The following CR1L variants were observed in gnomAD, a reference collection of about 807,000 sequenced individuals.
The protein encoded by CR1L is complement C3b/C4b receptor 1 like.
CR1L carries 59 observed loss-of-function variants against 62.3 expected under a neutral mutation model. The observed-to-expected ratio is 0.95, with a 90% CI of 0.77 to 1.18. The LOEUF (loss-of-function observed/expected upper bound fraction) is 1.18. Among genes scored for constraint, CR1L ranks in the 50% most tolerant of loss-of-function variants. CR1L has a pLI of 0.00. For missense variants in CR1L, 700 were observed against 702.8 expected (o/e 1.00, Z 0.04); for synonymous variants, 279 against 248.7 (o/e 1.12, Z -1.15).
chr1:207,699,744 T>C (rs968986277), intron 8 of CR1L, among the ~76,000 whole-genome samples: 25 of 152,232 alleles, frequency 1.6e-4, no homozygotes, highest in African/African-American at 5.5e-4. Context: ...ATTTAATCAA[T>C]TATTTATTGA....
intron 4 of CR1L, among the ~76,000 whole-genome samples, chr1:207,685,658 A>G (rs1035000899): frequency 6.6e-6 from 1 of 152,200 alleles, no homozygotes; most frequent in Non-Finnish European, 1.5e-5. Flanking sequence ...ACCCAGTTCA[A>G]TGGCAACAGT....
At chr1:207,706,496 G>A (rs1266828600) in intron 9 of CR1L, among the ~76,000 whole-genome samples, 1 of 151,984 alleles carries the variant, frequency 6.6e-6, no homozygotes, top group Non-Finnish European at 1.5e-5. Flanking sequence ...TTCCAGAAGG[G>A]TAAGCAAATA....
intron 11 of CR1L, among the ~76,000 whole-genome samples, chr1:207,719,442 G>A (rs1654082712): frequency 6.6e-6 from 1 of 152,012 alleles, no homozygotes; most frequent in African/African-American, 2.4e-5. Context: ...TAGATAGGCT[G>A]GACATGGTGG....
chr1:207,663,996 C>G (rs1269390287), intron 1 of CR1L, among the ~76,000 whole-genome samples: 5 of 152,140 alleles, frequency 3.3e-5, no homozygotes, highest in African/African-American at 9.7e-5. Context: ...TTTCTCTTTA[C>G]TGGGCAGTTT....
intron 1 of CR1L, among the ~76,000 whole-genome samples, chr1:207,646,415 A>T (rs1264719904): frequency 6.6e-6 from 1 of 152,134 alleles, no homozygotes; most frequent in East Asian, 1.9e-4. Context: ...CAATATTTTT[A>T]AAAATGCATG....
chr1:207,691,353 AC>A (rs1663994542), intron 4 of CR1L, among the ~76,000 whole-genome samples: 1 of 151,836 alleles, frequency 6.6e-6, no homozygotes, highest in Non-Finnish European at 1.5e-5. Flanking sequence ...CAAATCTTTT[AC>A]TTTCAGCCCT....
intron 1 of CR1L, among the ~76,000 whole-genome samples, chr1:207,654,219 A>G (rs917197193): frequency 1.1e-4 from 16 of 152,088 alleles, no homozygotes; most frequent in African/African-American, 3.9e-4. Context: ...ATAATACACT[A>G]TAATATATAA....
At chr1:207,707,331 A>G (rs1664282403) in intron 9 of CR1L, among the ~76,000 whole-genome samples, 1 of 152,198 alleles carries the variant, frequency 6.6e-6, no homozygotes, top group Admixed American at 6.5e-5. Flanking sequence ...AAAGGTAGTG[A>G]AAGAATTATG....
chr1:207,674,145 T>C (rs914702012), intron 1 of CR1L, among the ~76,000 whole-genome samples: 1 of 152,164 alleles, frequency 6.6e-6, no homozygotes, highest in Non-Finnish European at 1.5e-5. Flanking sequence ...GTCAAATCAA[T>C]CTGTAGTAAG....
chr1:207,663,131 C>G (rs569374497), intron 1 of CR1L, among the ~76,000 whole-genome samples: 1 of 152,226 alleles, frequency 6.6e-6, no homozygotes, highest in Non-Finnish European at 1.5e-5. Context: ...GTTCTCAGAT[C>G]TCAAGCTGCG....
chr1:207,722,948 A>T (rs1382550582), intron 11 of CR1L, among the ~76,000 whole-genome samples: 1 of 152,220 alleles, frequency 6.6e-6, no homozygotes, highest in Admixed American at 6.5e-5. Flanking sequence ...ATATACTATG[A>T]TGCATCTACT....
intron 1 of CR1L, chr1:207,657,334 T>A (rs1163411931): frequency 1.1e-6 from 1 of 949,160 alleles, no homozygotes; most frequent in African/African-American, 1.6e-5. Flanking sequence ...ACCTTTCAAT[T>A]TATTTCCTTC....
chr1:207,645,298 C>G lies in CR1L; in HGVS notation c.65C>G (p.Ala22Gly). 1 of 1,613,982 alleles carries G rather than the reference C, an allele frequency of 6.2e-7. No homozygotes were observed. Among genetic ancestry groups the G allele is most frequent in the Non-Finnish European group, 8.5e-7 (1 of 1,180,020 alleles). ...CGGCGCTTTCCTGGGTTGCTTCTGG[C>G]GGCCCTGGTGTTGCTGCTGTCCTCC... ...PSRRFPGLLL[A>G]ALVLLLSSFS... The change falls in exon 1 of 12, where the codon GCG (alanine) becomes GGG (glycine). Residue 22 changes from alanine to glycine, a missense_variant. Ala to Gly is a moderately conservative substitution (Grantham distance 60). Transcript: ENST00000508064.
intron 1 of CR1L, among the ~76,000 whole-genome samples, chr1:207,667,176 C>T (rs937275206): frequency 2.6e-5 from 4 of 152,218 alleles, no homozygotes; most frequent in Non-Finnish European, 4.4e-5. Context: ...ACCTTGATGG[C>T]GCTATCCCTT....
At chr1:207,696,164 A>G (rs937067695) in intron 5 of CR1L, among the ~76,000 whole-genome samples, 4 of 152,198 alleles carry the variant, frequency 2.6e-5, no homozygotes, top group Non-Finnish European at 5.9e-5. Context: ...AGCCCCTCCC[A>G]CTGAGCAGGC....
At chr1:207,662,188 T>G (rs1663435322) in intron 1 of CR1L, among the ~76,000 whole-genome samples, 1 of 152,208 alleles carries the variant, frequency 6.6e-6, no homozygotes, top group South Asian at 2.1e-4. Flanking sequence ...ATTTGAATGT[T>G]GGCCTGCCTT....
chr1:207,674,484 C>G (rs1383705455), intron 1 of CR1L, among the ~76,000 whole-genome samples: 1 of 152,144 alleles, frequency 6.6e-6, no homozygotes, highest in African/African-American at 2.4e-5. Context: ...GAAACTACAT[C>G]AAGCATTCTT....
intron 4 of CR1L, among the ~76,000 whole-genome samples, chr1:207,692,465 G>A (rs1463208851): frequency 6.6e-6 from 1 of 152,106 alleles, no homozygotes; most frequent in Non-Finnish European, 1.5e-5. Context: ...ACTGCCTCCT[G>A]GTGACCACCT....
At chr1:207,696,181 C>A (rs1284963737) in intron 5 of CR1L, among the ~76,000 whole-genome samples, 1 of 152,176 alleles carries the variant, frequency 6.6e-6, no homozygotes, top group African/African-American at 2.4e-5. Flanking sequence ...AGGCAGCTCC[C>A]TGAAAGCTGC....
Sources: gnomAD v4.1 joint callset for allele counts (sites outside exome capture counted in the v4.1 genomes callset) on GRCh38, gnomAD v4.1.1 for gene constraint, MANE v1.5 for transcripts, NCBI Gene and HGNC (gene_info 2026-07-23, HGNC 2026-07-21) for gene names.